The following HS6ST3 variants were observed in gnomAD, a reference collection of about 807,000 sequenced individuals.
The protein encoded by HS6ST3 is heparan-sulfate 6-O-sulfotransferase 3.
A neutral mutation model predicts 36.7 loss-of-function variants in HS6ST3; 12 were observed. The ratio of observed to expected loss-of-function variants is 0.33; its 90% CI spans 0.21 to 0.53. HS6ST3 has a LOEUF of 0.53. Ranked by LOEUF, HS6ST3 falls within the 20% of genes least tolerant of loss-of-function variation. The pLI, the probability that HS6ST3 is intolerant of heterozygous loss-of-function variation, is 0.95. For synonymous variants in HS6ST3, 240 were observed against 257.5 expected, an observed-to-expected ratio of 0.93 and a Z score of 0.65; for missense variants, 584 against 640.9, an observed-to-expected ratio of 0.91 and a Z score of 0.96.
At chr13:96,725,962 T>C (rs1300302965) in intron 1 of HS6ST3, among the ~76,000 whole-genome samples, 1 of 152,058 alleles carries the variant, frequency 6.6e-6, no homozygotes, top group Non-Finnish European at 1.5e-5. Flanking sequence ...TTCAGCCTCC[T>C]GAGTAGCTGC....
chr13:96,315,276 C>T (rs991725959), intron 1 of HS6ST3, among the ~76,000 whole-genome samples: 12 of 151,976 alleles, frequency 7.9e-5, no homozygotes, highest in East Asian at 7.7e-4. Flanking sequence ...ACAAAGAAAC[C>T]GAAGAAAGGG....
At chr13:96,389,718 G>A (rs1314490824) in intron 1 of HS6ST3, among the ~76,000 whole-genome samples, 1 of 151,908 alleles carries the variant, frequency 6.6e-6, no homozygotes. Flanking sequence ...GAAATTAAAG[G>A]GATCTTAAAA....
intron 1 of HS6ST3, among the ~76,000 whole-genome samples, chr13:96,466,435 C>A (rs1425889730): frequency 6.6e-6 from 1 of 152,112 alleles, no homozygotes; most frequent in Non-Finnish European, 1.5e-5. Context: ...CTCTCCATTG[C>A]CCCCTCCATC....
At chr13:96,402,930 G>A (rs1183385516) in intron 1 of HS6ST3, among the ~76,000 whole-genome samples, 1 of 152,166 alleles carries the variant, frequency 6.6e-6, no homozygotes, top group East Asian at 1.9e-4. Flanking sequence ...GTAACACCTA[G>A]GAGTAGAATC....
intron 1 of HS6ST3, among the ~76,000 whole-genome samples, chr13:96,147,350 G>C (rs1199907221): frequency 1.3e-5 from 2 of 152,200 alleles, no homozygotes; most frequent in South Asian, 2.1e-4. Flanking sequence ...GTCTCTTACA[G>C]AGGTTCCCTG....
At chr13:96,751,651 T>G (rs1876703276) in intron 1 of HS6ST3, among the ~76,000 whole-genome samples, 1 of 152,122 alleles carries the variant, frequency 6.6e-6, no homozygotes, top group South Asian at 2.1e-4. Flanking sequence ...TCCTAATGTG[T>G]TCCAAGAAGG....
In HS6ST3 at chr13:96,587,958, G is replaced by T. The variant is rs531915424; in HGVS notation, c.708-244532G>T. On this transcript the variant is annotated intron_variant, in intron 1 of 1. Coordinates refer to ENST00000376705, the MANE Select transcript of HS6ST3 (RefSeq NM_153456.4). ...AATGTTTTACAGTTTTCAGTATGGA[G>T]ATATTTTACCTGCTTGGTTAAATTT... Among the ~76,000 whole-genome samples the T allele has an allele frequency of 3.9e-5, 6 of 152,286 alleles. No individual in the cohort carries two copies. The East Asian group carries it at 1.2e-3, about 29-fold the overall frequency.
intron 1 of HS6ST3, among the ~76,000 whole-genome samples, chr13:96,598,190 T>C (rs1355730540): frequency 6.6e-6 from 1 of 152,128 alleles, no homozygotes; most frequent in Non-Finnish European, 1.5e-5. Context: ...TCAGGATTGT[T>C]TTTCTAATTC....
chr13:96,146,895 G>A (rs530600690), intron 1 of HS6ST3, among the ~76,000 whole-genome samples: 11 of 152,276 alleles, frequency 7.2e-5, no homozygotes, highest in African/African-American at 2.4e-4. Context: ...TTGAACCATG[G>A]ATGAGGCAGA....
intron 1 of HS6ST3, among the ~76,000 whole-genome samples, chr13:96,461,901 G>T (rs778336506): frequency 1.3e-5 from 2 of 152,160 alleles, no homozygotes; most frequent in Non-Finnish European, 2.9e-5. Flanking sequence ...CTTCATGAAT[G>T]GGGATATGGA....
At chr13:96,684,911 T>C (rs777369061) in intron 1 of HS6ST3, among the ~76,000 whole-genome samples, 2 of 152,102 alleles carry the variant, frequency 1.3e-5, no homozygotes, top group Non-Finnish European at 2.9e-5. Context: ...GTGTATATAA[T>C]ACATATATAA....
intron 1 of HS6ST3, among the ~76,000 whole-genome samples, chr13:96,661,975 GGTGGT>G (rs1480331260): frequency 6.6e-6 from 1 of 152,056 alleles, no homozygotes; most frequent in Non-Finnish European, 1.5e-5. Context: ...TTTTATGACT[GGTGGT>G]ATTTCCTTTA....
intron 1 of HS6ST3, among the ~76,000 whole-genome samples, chr13:96,473,093 G>A (rs1163776630): frequency 4.6e-5 from 7 of 152,140 alleles, no homozygotes; most frequent in Non-Finnish European, 1.5e-5. Context: ...CTCCTTGTAA[G>A]TATTTCAAGG....
chr13:96,420,417 C>G (rs2055556893), intron 1 of HS6ST3, among the ~76,000 whole-genome samples: 2 of 152,154 alleles, frequency 1.3e-5, no homozygotes, highest in Non-Finnish European at 2.9e-5. Context: ...TTGTCAGATT[C>G]ATGATATACT....
chr13:96,778,079 T>C (rs895352784), intron 1 of HS6ST3, among the ~76,000 whole-genome samples: 4 of 152,184 alleles, frequency 2.6e-5, no homozygotes, highest in African/African-American at 4.8e-5. Context: ...GGGGAAAGGA[T>C]TCCCTGTTTA....
chr13:96,808,974 CAAG>C (rs1241736819), intron 1 of HS6ST3, among the ~76,000 whole-genome samples: 1 of 152,102 alleles, frequency 6.6e-6, no homozygotes, highest in African/African-American at 2.4e-5. Context: ...AGTGAAGAGA[CAAG>C]AAGTTTTCCT....
rs180966704 is a variant in HS6ST3 at position 96,105,967 on chromosome 13, G to A, written c.707+14398G>A. Among the ~76,000 whole-genome samples the A allele has an allele frequency of 6.4e-4, 98 of 152,300 alleles. No individual in the cohort carries two copies. In the East Asian group the frequency reaches 0.018, roughly 28 times the overall value. ...ACTATTTATAAAATTGCTGAAGAAGGCATTTGCAGTAATGAACAAGGCAGG... is the reference window on the plus strand; with the variant it reads ...ACTATTTATAAAATTGCTGAAGAAGACATTTGCAGTAATGAACAAGGCAGG... On this transcript the variant is annotated intron_variant, in intron 1 of 1. Coordinates refer to ENST00000376705, the MANE Select transcript of HS6ST3 (RefSeq NM_153456.4).
At chr13:96,726,535 T>G (rs929526362) in intron 1 of HS6ST3, among the ~76,000 whole-genome samples, 3 of 152,220 alleles carry the variant, frequency 2.0e-5, no homozygotes, top group Non-Finnish European at 4.4e-5. Flanking sequence ...TGGTTAGTAA[T>G]GAGTTTTTAA....
At chr13:96,719,287 C>A (rs1466110950) in intron 1 of HS6ST3, among the ~76,000 whole-genome samples, 14 of 149,470 alleles carry the variant, frequency 9.4e-5, no homozygotes, top group East Asian at 5.9e-4. Flanking sequence ...AAAAAAAAAA[C>A]CAAAAAAAGA....
Sources: gnomAD v4.1 joint callset for allele counts (sites outside exome capture counted in the v4.1 genomes callset) on GRCh38, gnomAD v4.1.1 for gene constraint, MANE v1.5 for transcripts, NCBI Gene and HGNC (gene_info 2026-07-23, HGNC 2026-07-21) for gene names.